The following NUP153 variants were observed in gnomAD, a reference collection of about 807,000 sequenced individuals.
The protein encoded by NUP153 is nuclear pore complex protein Nup153.
In NUP153, 27 loss-of-function variants were observed where a neutral mutation model predicts 134.6. That is an observed-to-expected ratio of 0.20 (90% CI 0.15 to 0.28). The LOEUF is 0.28. Ranked by LOEUF, NUP153 falls within the 10% of genes least tolerant of loss-of-function variation. NUP153 has a pLI of 1.00. For synonymous variants in NUP153, 640 were observed against 623.5 expected (o/e 1.03, Z -0.40); for missense variants, 1,821 against 1,731.3 (o/e 1.05, Z -0.92).
At chr6:17,687,040 TTAA>T (rs1397761119) in intron 2 of NUP153, among the ~76,000 whole-genome samples, 29 of 152,230 alleles carry the variant, frequency 1.9e-4, no homozygotes, top group Admixed American at 4.6e-4. Flanking sequence ...CCTTATACAT[TTAA>T]TAATATAATG....
chr6:17,666,283 G>A (rs769805758), intron 8 of NUP153, among the ~76,000 whole-genome samples: 3 of 152,242 alleles, frequency 2.0e-5, no homozygotes, highest in South Asian at 2.1e-4. Flanking sequence ...GTGGGAGGCC[G>A]AAGCAGGTGG....
At chr6:17,623,357 CAA>C (rs11326447) in intron 20 of NUP153, among the ~76,000 whole-genome samples, 2,056 of 81,982 alleles carry the variant, frequency 0.025, 25 homozygotes, top group Middle Eastern at 0.057. Flanking sequence ...GAAAAATGGC[CAA>C]AAAAAAAAAA....
chr6:17,672,082 A>G (rs907005475), intron 5 of NUP153, among the ~76,000 whole-genome samples: 15 of 152,186 alleles, frequency 9.9e-5, no homozygotes, highest in African/African-American at 3.1e-4. Flanking sequence ...TTTTATAGAA[A>G]AGCAAAGGAC....
At chr6:17,705,797 C>CA (rs1770445436) in intron 1 of NUP153, among the ~76,000 whole-genome samples, 1 of 151,928 alleles carries the variant, frequency 6.6e-6, no homozygotes, top group Non-Finnish European at 1.5e-5. Flanking sequence ...GCGCCCCCCA[C>CA]AACTCCCCGT....
At chr6:17,694,719 C>CT (rs1769522596) in intron 1 of NUP153, among the ~76,000 whole-genome samples, 1 of 151,588 alleles carries the variant, frequency 6.6e-6, no homozygotes, top group Non-Finnish European at 1.5e-5. Flanking sequence ...TGGCTTACTC[C>CT]TATAAGCCCA....
At chr6:17,635,104 C>CTTTT (rs59700511) in intron 16 of NUP153, among the ~76,000 whole-genome samples, 126 of 104,202 alleles carry the variant, frequency 1.2e-3, no homozygotes, top group East Asian at 5.7e-3. Context: ...CTTGGCTTAT[C>CTTTT]TTTTTTTTTT....
At chr6:17,623,516 T>G (rs1301624879) in intron 20 of NUP153, among the ~76,000 whole-genome samples, 1 of 152,208 alleles carries the variant, frequency 6.6e-6, no homozygotes, top group Non-Finnish European at 1.5e-5. Context: ...TACAAACCTT[T>G]TAATTCAGCA....
intron 2 of NUP153, among the ~76,000 whole-genome samples, chr6:17,682,104 G>C (rs1768616141): frequency 6.6e-6 from 1 of 152,128 alleles, no homozygotes; most frequent in African/African-American, 2.4e-5. Flanking sequence ...CAGCTACCTG[G>C]GAGAGTGAGG....
rs553227681 is a variant in NUP153, at chr6:17,668,222, C to T, written c.1068+753G>A. Among the ~76,000 whole-genome samples the T allele has an allele frequency of 1.6e-3, 236 of 151,576 alleles. 1 individual carries two copies. The highest frequency in any genetic ancestry group is 5.5e-3 in the African/African-American group (228 of 41,328). On this transcript the variant is annotated intron_variant, in intron 8 of 21. Coordinates refer to ENST00000262077, the MANE Select transcript of NUP153 (RefSeq NM_005124.4). ...TCCGGAGTAGCTGAGATTACAGGTG[C>T]GCACCGCCACACCTGGCTAATTTTT...
At chr6:17,631,866 C>G (rs1328125428) in intron 17 of NUP153, among the ~76,000 whole-genome samples, 1 of 152,098 alleles carries the variant, frequency 6.6e-6, no homozygotes, top group Non-Finnish European at 1.5e-5. Flanking sequence ...ACTCGGGAGG[C>G]TGAAGCAGGA....
intron 2 of NUP153, among the ~76,000 whole-genome samples, chr6:17,687,905 G>A (rs545897389): frequency 1.3e-5 from 2 of 152,212 alleles, no homozygotes; most frequent in South Asian, 4.2e-4. Flanking sequence ...ATGAGGTCAG[G>A]AGATCGAGAC....
chr6:17,658,545 G>A lies in NUP153; in HGVS notation c.1395+3108C>T, dbSNP rs1291548308. ...TGACAATAACCAGTCACTGGAAGTT[G>A]ACAAGGACCAATTGAGAGCAATCAT... On this transcript the variant is annotated intron_variant, in intron 11 of 21. Coordinates refer to ENST00000262077, the MANE Select transcript of NUP153 (RefSeq NM_005124.4). 3.9e-5 allele frequency among the ~76,000 whole-genome samples: 6 copies of A among 152,328 alleles called. No individual in the cohort carries two copies. The South Asian group carries it at 1.0e-3, about 26-fold the overall frequency.
intron 14 of NUP153, among the ~76,000 whole-genome samples, chr6:17,645,410 C>G (rs191068551): frequency 1.3e-5 from 2 of 151,956 alleles, no homozygotes; most frequent in East Asian, 3.9e-4. Flanking sequence ...CCTCCCACTT[C>G]AGCATCCCAG....
chr6:17,641,534 A>C (rs915375584), intron 14 of NUP153, among the ~76,000 whole-genome samples: 7 of 152,014 alleles, frequency 4.6e-5, no homozygotes, highest in Non-Finnish European at 1.0e-4. Flanking sequence ...ACTCCGTCTC[A>C]AAAACAAAAC....
rs779607022 is a variant in NUP153, at chr6:17,628,964, T to C, written c.3235A>G (p.Lys1079Glu). Reference sequence around the variant, plus strand: ...ACGTTGCCAAAAGAGAATCCTCCTTTGGTGGCAGGCATTTCTTCTTTTTTA... The same window carrying C: ...ACGTTGCCAAAAGAGAATCCTCCTTCGGTGGCAGGCATTTCTTCTTTTTTA... ...EAKKEEMPATKGGFSFGNVEP... is the reference protein window; with the variant it reads ...EAKKEEMPATEGGFSFGNVEP... Residue 1079 changes from lysine to glutamate, a missense_variant, in exon 18 of 22, where the codon AAA becomes GAA. Physicochemically the swap from Lys to Glu is moderately conservative, Grantham distance 56 (BLOSUM62 1). Transcript: ENST00000262077. The surrounding 1 kb of genome is among the most constrained non-coding windows in gnomAD (Gnocchi z 5.4). The C allele has an allele frequency of 2.5e-6, 4 of 1,614,144 alleles. No homozygotes were observed. The highest frequency in any genetic ancestry group is 1.1e-5 in the South Asian group (1 of 91,080).
Position 17,688,635 on chromosome 6 carries a change from CA to C in NUP153, c.112-18del, listed in dbSNP as rs1217410636. The C allele has an allele frequency of 6.4e-7, 1 of 1,561,480 alleles. No homozygotes were observed. The highest frequency in any genetic ancestry group is 8.8e-7 in the Non-Finnish European group (1 of 1,138,740). On this transcript the variant is annotated intron_variant, in intron 1 of 21. Coordinates refer to ENST00000262077, the MANE Select transcript of NUP153 (RefSeq NM_005124.4). Reference sequence around the variant, plus strand: ...AAGAATGCCCTGTTGAGAGAAAAAACATATTATGACAGTTTTAGAAATTTAT... The same window carrying C: ...AAGAATGCCCTGTTGAGAGAAAAAACTATTATGACAGTTTTAGAAATTTAT...
intron 5 of NUP153, among the ~76,000 whole-genome samples, chr6:17,672,658 T>C (rs78817738): frequency 0.041 from 6,214 of 151,796 alleles, 391 homozygotes; most frequent in East Asian, 0.29. Context: ...ACTAGAACAA[T>C]TGCACACCCA....
At chr6:17,623,738 T>C (rs1764772033) in intron 20 of NUP153, among the ~76,000 whole-genome samples, 1 of 152,192 alleles carries the variant, frequency 6.6e-6, no homozygotes, top group Non-Finnish European at 1.5e-5. Flanking sequence ...CTTACAAGCC[T>C]TAGAGCAAAA....
rs760982725 is a variant in NUP153, at chr6:17,675,362, G to A, written c.590C>T (p.Thr197Ile). The change falls in exon 4 of 22, where the codon ACT becomes ATT. Residue 197 changes from threonine (T) to isoleucine (I), a missense_variant. Physicochemically the swap from Thr to Ile is moderately conservative, Grantham distance 89. Coordinates refer to ENST00000262077, the MANE Select transcript of NUP153 (RefSeq NM_005124.4). This position sits in a 1 kb window ranked among gnomAD's most constrained non-coding sequence, Gnocchi z 4.4. ...FSSRASDKDI[T>I]VSKNTSLPPL... ...TGGCAATGAAGTGTTCTTTGAAACA[G>A]TTATATCTGAAACAAAATTACATAA... The A allele has an allele frequency of 6.2e-7, 1 of 1,613,364 alleles. No individual in the cohort carries two copies. The highest frequency in any genetic ancestry group is 1.1e-5 in the South Asian group (1 of 90,938).
Sources: allele counts gnomAD v4.1 joint callset (sites outside exome capture counted in the v4.1 genomes callset), GRCh38; gene constraint gnomAD v4.1.1; non-coding constraint Gnocchi (gnomAD v3.1); transcripts MANE v1.5; gene names NCBI Gene and HGNC (gene_info 2026-07-23, HGNC 2026-07-21).